ZFR: variants seen among roughly 807,000 people sequenced by gnomAD.
ZFR encodes the protein zinc finger RNA binding protein, also known as zinc finger RNA-binding protein.
A neutral mutation model predicts 130.7 loss-of-function variants in ZFR; 19 were observed. The ratio of observed to expected loss-of-function variants is 0.15; its 90% confidence interval spans 0.10 to 0.21. ZFR has a LOEUF of 0.21. ZFR is among the 10% of genes least tolerant of loss of function. ZFR has a pLI of 1.00. For missense variants in ZFR, 872 were observed against 1,321.5 expected, an observed-to-expected ratio of 0.66 and a Z score of 5.27; for synonymous variants, 466 against 456.9, an observed-to-expected ratio of 1.02 and a Z score of -0.25.
chr5:32,355,488 A>G lies in ZFR; in HGVS notation c.*272T>C, dbSNP rs940348196. ...ATAAAAGACACAAAAATAGGGGGGG[A>G]AGCTAGGGCAACCAGAAAATAAAAT... On this transcript the variant is annotated 3_prime_UTR_variant, in exon 20 of 20. Transcript: ENST00000265069. 5 of 235,788 alleles carry G rather than the reference A, an allele frequency of 2.1e-5. No individual in the cohort carries two copies. Among genetic ancestry groups the G allele is most frequent in the African/African-American group, 1.1e-4 (5 of 44,414 alleles). 14.6% of individuals were successfully genotyped at this position (235,788 alleles called of 1,614,324 possible).
chr5:32,431,450 T>C (rs917473034), intron 2 of ZFR, among the ~76,000 whole-genome samples: 5 of 152,242 alleles, frequency 3.3e-5, no homozygotes, highest in African/African-American at 7.2e-5. Flanking sequence ...CAGAATATTG[T>C]ATTTCTGCAG....
chr5:32,424,930 CACA>C (rs1400478395), intron 2 of ZFR, among the ~76,000 whole-genome samples: 1 of 151,506 alleles, frequency 6.6e-6, no homozygotes, highest in Non-Finnish European at 1.5e-5. Context: ...AGGAGTGAAA[CACA>C]AGAGTTTCAA....
chr5:32,383,761 C>A (rs1425835613), intron 15 of ZFR: 1 of 456,548 alleles, frequency 2.2e-6, no homozygotes, highest in Non-Finnish European at 4.4e-6. Flanking sequence ...GAATACATAC[C>A]GTTATTCTGC....
intron 4 of ZFR, among the ~76,000 whole-genome samples, chr5:32,415,720 T>C (rs1753812563): frequency 6.6e-6 from 1 of 152,150 alleles, no homozygotes. Context: ...TACATAATTT[T>C]TCAAATGTCA....
intron 2 of ZFR, among the ~76,000 whole-genome samples, chr5:32,423,782 CCT>C (rs1235682818): frequency 6.6e-6 from 1 of 152,026 alleles, no homozygotes; most frequent in African/African-American, 2.4e-5. Flanking sequence ...ACAAAAAGAT[CCT>C]GTCTCCAGAG....
intron 5 of ZFR, among the ~76,000 whole-genome samples, chr5:32,409,268 A>G (rs1394648058): frequency 6.6e-6 from 1 of 152,262 alleles, no homozygotes; most frequent in Admixed American, 6.5e-5. Flanking sequence ...AGGTAGGCTT[A>G]TAAGTAAAAT....
chr5:32,414,407 A>G (rs1753775920), intron 5 of ZFR, among the ~76,000 whole-genome samples: 1 of 152,228 alleles, frequency 6.6e-6, no homozygotes, highest in Non-Finnish European at 1.5e-5. Context: ...AGTGGACACA[A>G]AAAGGTTTTA....
chr5:32,410,887 T>TA (rs937755205), intron 5 of ZFR, among the ~76,000 whole-genome samples: 2 of 152,170 alleles, frequency 1.3e-5, no homozygotes, highest in African/African-American at 4.8e-5. Context: ...ACATAGTCTT[T>TA]AAAAAACAGA....
Position 32,372,338 on chromosome 5 carries a change from T to C in ZFR, c.2835+6777A>G, listed in dbSNP as rs139292489. 7.9e-3 allele frequency among the ~76,000 whole-genome samples: 1,203 copies of C among 152,238 alleles called. 16 individuals are homozygous for C. The highest frequency in any genetic ancestry group is 0.027 in the African/African-American group (1,134 of 41,524). On this transcript the variant is annotated intron_variant, in intron 17 of 19. Transcript: ENST00000265069. ...ATAGTCACAGGTCAATGTAGGTTCA[T>C]TAATTGTAACAAACATACTACTCTA...
intron 8 of ZFR, among the ~76,000 whole-genome samples, chr5:32,402,792 A>G (rs1753487637): frequency 6.6e-6 from 1 of 151,758 alleles, no homozygotes; most frequent in South Asian, 2.1e-4. Flanking sequence ...ATGAAAAAAA[A>G]AAAAACAAAA....
chr5:32,393,966 A>G (rs1444020951), intron 11 of ZFR, among the ~76,000 whole-genome samples: 5 of 152,224 alleles, frequency 3.3e-5, no homozygotes, highest in African/African-American at 1.2e-4. Flanking sequence ...CTAAATATCT[A>G]AACAATAACA....
chr5:32,372,990 A>C (rs1035813241), intron 17 of ZFR, among the ~76,000 whole-genome samples: 2 of 152,392 alleles, frequency 1.3e-5, no homozygotes, highest in South Asian at 2.1e-4. Context: ...AAAACCCTTT[A>C]AATTCCAAAA....
chr5:32,355,714 C>T lies in ZFR; in HGVS notation c.*46G>A, dbSNP rs1388655719. The T allele has an allele frequency of 6.7e-7, 1 of 1,487,708 alleles. No homozygotes were observed. The highest frequency in any genetic ancestry group is 1.4e-5 in the African/African-American group (1 of 69,924). 92.2% of individuals were successfully genotyped at this position (1,487,708 alleles called of 1,614,324 possible). ...ATTATTATGAATGAAAAACAGCCAA[C>T]AAATGGGCATCTGTTTTTTTAACAC... On this transcript the variant is annotated 3_prime_UTR_variant, in exon 20 of 20. Transcript: ENST00000265069.
At chr5:32,356,882 G>C (rs1298200474) in intron 19 of ZFR, among the ~76,000 whole-genome samples, 1 of 152,142 alleles carries the variant, frequency 6.6e-6, no homozygotes, top group Non-Finnish European at 1.5e-5. Flanking sequence ...AATTTATACT[G>C]ATTAATATAT....
chr5:32,394,410 A>T (rs1487016067), intron 11 of ZFR: 1 of 169,108 alleles, frequency 5.9e-6, no homozygotes, highest in Non-Finnish European at 1.5e-5. Context: ...TTTATACCAA[A>T]TGAATTTATT....
Position 32,388,461 on chromosome 5 carries a change from A to G in ZFR, c.2348+8T>C. The G allele has an allele frequency of 6.2e-7, 1 of 1,612,366 alleles. No homozygotes were observed. The highest frequency in any genetic ancestry group is 1.7e-5 in the Admixed American group (1 of 59,884). On this transcript the variant is annotated splice_region_variant and intron_variant, in intron 13 of 19. Transcript: ENST00000265069. ...AATTACACATGGTAAATAACTTTCAAAACACACCTGTCTTTACCTCCCTCT... is the reference window on the plus strand; with the variant it reads ...AATTACACATGGTAAATAACTTTCAGAACACACCTGTCTTTACCTCCCTCT...
At chr5:32,371,858 G>A (rs570484845) in intron 17 of ZFR, among the ~76,000 whole-genome samples, 1 of 151,228 alleles carries the variant, frequency 6.6e-6, no homozygotes, top group Admixed American at 6.6e-5. Flanking sequence ...GGAATTAGAG[G>A]TAGGGAAAAA....
At chr5:32,380,787 T>TA (rs1324995384) in intron 15 of ZFR, among the ~76,000 whole-genome samples, 7 of 151,420 alleles carry the variant, frequency 4.6e-5, no homozygotes, top group South Asian at 4.2e-4. Flanking sequence ...TAGCTGGGAT[T>TA]ACAGGTGTGC....
rs751056160 is a variant in ZFR at position 32,444,672 on chromosome 5, T to C, written c.-14A>G. On this transcript the variant is annotated 5_prime_UTR_variant, in exon 1 of 20. Coordinates refer to ENST00000265069, the MANE Select transcript of ZFR (RefSeq NM_016107.5). ...TATGGGAATCATGGGCTCGGGCTGC[T>C]GCTGCTGAACTCTGAACTCTCACCC... The C allele has an allele frequency of 5.3e-6, 8 of 1,510,028 alleles. No homozygotes were observed. The highest frequency in any genetic ancestry group is 1.7e-4 in the Middle Eastern group (1 of 5,874). The allele number at this position is 1,510,028 out of a possible 1,614,324, so 93.5% of individuals were successfully genotyped here. A position where few individuals can be genotyped will look rare whatever the true frequency, so the allele number is the denominator to read the frequency against.
Sources: allele counts gnomAD v4.1 joint callset (sites outside exome capture counted in the v4.1 genomes callset), GRCh38; gene constraint gnomAD v4.1.1; transcripts MANE v1.5; gene names NCBI Gene and HGNC (gene_info 2026-07-23, HGNC 2026-07-21).